Variants in CHCHD6 observed in about 807,000 individuals in gnomAD.
CHCHD6 encodes coiled-coil-helix-coiled-coil-helix domain containing 6, also known as MICOS complex subunit MIC25.
A neutral mutation model predicts 32.3 loss-of-function variants in CHCHD6; 28 were observed. The observed-to-expected ratio is 0.87, with a 90% CI of 0.64 to 1.19. The LOEUF (loss-of-function observed/expected upper bound fraction) is 1.19, where lower values mean the gene tolerates loss of function less well. Ranked by LOEUF, CHCHD6 falls within the 50% of genes most tolerant of loss-of-function variation. The pLI, the probability that CHCHD6 is intolerant of heterozygous loss-of-function variation, is 0.00. For missense variants in CHCHD6, 333 were observed against 307.0 expected (o/e 1.08, Z -0.63); for synonymous variants, 122 against 117.5 (o/e 1.04, Z -0.25).
intron 6 of CHCHD6, among the ~76,000 whole-genome samples, chr3:126,925,546 A>G (rs995448189): frequency 6.6e-6 from 1 of 152,216 alleles, no homozygotes; most frequent in African/African-American, 2.4e-5. Context: ...GGAATGTAGT[A>G]TACAGCCAGC....
At chr3:126,810,968 G>A (rs992524841) in intron 4 of CHCHD6, among the ~76,000 whole-genome samples, 4 of 152,172 alleles carry the variant, frequency 2.6e-5, no homozygotes, top group Non-Finnish European at 5.9e-5. Context: ...CCAGGTTAGA[G>A]ACAGAATAAT....
At chr3:126,957,376 G>T in intron 6 of CHCHD6, 40 bp from the exon 7 acceptor site, 1 of 1,597,984 alleles carries the variant, frequency 6.3e-7, no homozygotes, top group Non-Finnish European at 8.5e-7. Flanking sequence ...CTGCCTGCTG[G>T]CACCTGAGCC....
chr3:126,801,249 C>T lies in CHCHD6; in HGVS notation c.412-51398C>T, dbSNP rs368757028. ...GCAGCGCACCGTGCGCAAGCCGAAG[C>T]AGGGCGAGGCATTGCCTCACTCAGG... On this transcript the variant is annotated intron_variant, in intron 4 of 7. Transcript: ENST00000290913. Among the ~76,000 whole-genome samples, 30 of 152,318 alleles carry T rather than the reference C, an allele frequency of 2.0e-4. No individual in the cohort carries two copies. In the South Asian group the frequency reaches 2.5e-3, roughly 13 times the overall value.
intron 4 of CHCHD6, among the ~76,000 whole-genome samples, chr3:126,785,857 T>C (rs1576413214): frequency 6.6e-6 from 1 of 152,226 alleles, no homozygotes; most frequent in Non-Finnish European, 1.5e-5. Context: ...CTTTAAGTTC[T>C]AGGGTACATG....
chr3:126,814,325 T>C (rs747185106), intron 4 of CHCHD6, among the ~76,000 whole-genome samples: 23 of 152,206 alleles, frequency 1.5e-4, no homozygotes, highest in Non-Finnish European at 2.9e-4. Flanking sequence ...TTGAAATACA[T>C]ATTTGGTCTT....
At chr3:126,907,039 G>C (rs1321834327) in intron 5 of CHCHD6, among the ~76,000 whole-genome samples, 1 of 152,194 alleles carries the variant, frequency 6.6e-6, no homozygotes, top group Non-Finnish European at 1.5e-5. Context: ...CCCAGCAGCA[G>C]CTGCTGTTGT....
chr3:126,757,713 A>G (rs1402916205), intron 4 of CHCHD6, among the ~76,000 whole-genome samples: 1 of 152,238 alleles, frequency 6.6e-6, no homozygotes, highest in Non-Finnish European at 1.5e-5. Flanking sequence ...AGTAGGCCAC[A>G]GAAGCGAGTA....
intron 4 of CHCHD6, among the ~76,000 whole-genome samples, chr3:126,816,070 C>T (rs1480372895): frequency 1.3e-5 from 2 of 152,150 alleles, no homozygotes; most frequent in Non-Finnish European, 2.9e-5. Context: ...GCCTCCCCAA[C>T]CACTTTTCTC....
At chr3:126,921,601 C>T (rs2078248387) in intron 6 of CHCHD6, among the ~76,000 whole-genome samples, 1 of 152,172 alleles carries the variant, frequency 6.6e-6, no homozygotes, top group Admixed American at 6.5e-5. Context: ...AGAGAGCCAG[C>T]CCTCAAAGAG....
chr3:126,765,272 C>T (rs878980334), intron 4 of CHCHD6, among the ~76,000 whole-genome samples: 15 of 152,200 alleles, frequency 9.9e-5, no homozygotes, highest in South Asian at 6.2e-4. Context: ...CAGTCCAGAC[C>T]CTCTGGAAAC....
At chr3:126,853,517 C>G (rs926236657) in intron 5 of CHCHD6, among the ~76,000 whole-genome samples, 8 of 152,100 alleles carry the variant, frequency 5.3e-5, no homozygotes, top group African/African-American at 1.9e-4. Context: ...TGACAGTTTG[C>G]TTGAGGGGCC....
intron 5 of CHCHD6, among the ~76,000 whole-genome samples, chr3:126,902,715 T>C: frequency 1.8e-5 from 2 of 108,178 alleles, no homozygotes; most frequent in Admixed American, 1.0e-4. Flanking sequence ...AGACTCCATC[T>C]CAAAAAAAAA....
intron 5 of CHCHD6, among the ~76,000 whole-genome samples, chr3:126,886,963 C>T (rs2077688046): frequency 6.6e-6 from 1 of 152,216 alleles, no homozygotes; most frequent in African/African-American, 2.4e-5. Context: ...TTCCTTTTCA[C>T]TTTTATTGGT....
chr3:126,920,613 G>C (rs138787059), intron 6 of CHCHD6, among the ~76,000 whole-genome samples: 2 of 152,316 alleles, frequency 1.3e-5, no homozygotes, highest in Non-Finnish European at 2.9e-5. Flanking sequence ...TGTTTTAAAA[G>C]AAGAAAACCA....
chr3:126,760,433 C>G (rs1410557527), intron 4 of CHCHD6, among the ~76,000 whole-genome samples: 3 of 152,206 alleles, frequency 2.0e-5, no homozygotes, highest in Admixed American at 1.3e-4. Flanking sequence ...CATCACCACT[C>G]TCCTTTTCCG....
At chr3:126,762,104 C>T (rs1937181077) in intron 4 of CHCHD6, among the ~76,000 whole-genome samples, 1 of 152,048 alleles carries the variant, frequency 6.6e-6, no homozygotes, top group African/African-American at 2.4e-5. Context: ...CAACTTTTGA[C>T]TTCATTGATT....
intron 5 of CHCHD6, among the ~76,000 whole-genome samples, chr3:126,858,514 G>A (rs1941742394): frequency 6.6e-6 from 1 of 152,198 alleles, no homozygotes; most frequent in Admixed American, 6.5e-5. Context: ...CCTCCTCGCT[G>A]GCCTGCAGCG....
intron 5 of CHCHD6, among the ~76,000 whole-genome samples, chr3:126,871,394 C>T (rs2077467933): frequency 6.6e-6 from 1 of 152,148 alleles, no homozygotes; most frequent in African/African-American, 2.4e-5. Context: ...CCTTCCTGTA[C>T]TCTGTTAGGC....
intron 5 of CHCHD6, among the ~76,000 whole-genome samples, chr3:126,885,272 A>G (rs1040598257): frequency 3.9e-5 from 6 of 152,202 alleles, no homozygotes; most frequent in African/African-American, 1.2e-4. Context: ...TGGAGGATCT[A>G]CTGTTCCTTT....
Sources: gnomAD v4.1 joint callset for allele counts (sites outside exome capture counted in the v4.1 genomes callset) on GRCh38, gnomAD v4.1.1 for gene constraint, MANE v1.5 for transcripts, NCBI Gene and HGNC (gene_info 2026-07-23, HGNC 2026-07-21) for gene names.